LRP1B: variants seen among roughly 807,000 people sequenced by gnomAD.
The protein encoded by LRP1B is LDL receptor related protein 1B.
A neutral mutation model predicts 556.6 loss-of-function variants in LRP1B; 217 were observed. The observed-to-expected ratio is 0.39, with a 90% confidence interval of 0.35 to 0.44. The LOEUF (loss-of-function observed/expected upper bound fraction) is 0.44, where lower values mean the gene tolerates loss of function less well. Ranked by LOEUF, LRP1B falls within the 20% of genes least tolerant of loss-of-function variation. The probability of loss-of-function intolerance (pLI) is 1.00; values close to 1 mark genes in which losing one functional copy is unlikely to be tolerated. For missense variants in LRP1B, 5,053 were observed against 5,620.8 expected (o/e 0.90, Z 3.23); for synonymous variants, 2,047 against 1,865.8 (o/e 1.10, Z -2.50).
At chr2:141,943,990 G>A (rs185970945) in intron 1 of LRP1B, among the ~76,000 whole-genome samples, 127 of 152,220 alleles carry the variant, frequency 8.3e-4, no homozygotes, top group African/African-American at 2.9e-3. Context: ...TTCCCACAGG[G>A]GAACAGGAGG....
intron 41 of LRP1B, among the ~76,000 whole-genome samples, chr2:140,677,718 C>CA (rs66709552): frequency 0.53 from 80,629 of 151,266 alleles, 22,148 homozygotes; most frequent in Middle Eastern, 0.6. Flanking sequence ...ACTAAAAATA[C>CA]AAAAAAAACT....
chr2:140,259,590 G>T (rs894027824), intron 86 of LRP1B, among the ~76,000 whole-genome samples: 1 of 151,942 alleles, frequency 6.6e-6, no homozygotes, highest in Non-Finnish European at 1.5e-5. Context: ...ATCATAAGCT[G>T]CCGTACTCCA....
intron 14 of LRP1B, 45 bp from the exon 15 acceptor site, chr2:141,005,502 G>C (rs76031004): frequency 6.3e-7 from 1 of 1,597,270 alleles, no homozygotes; most frequent in African/African-American, 1.3e-5. Flanking sequence ...TCTGATTCAC[G>C]TTCTTTCTAG....
chr2:140,285,113 G>A (rs926328238), intron 84 of LRP1B, among the ~76,000 whole-genome samples: 4 of 149,110 alleles, frequency 2.7e-5, no homozygotes, highest in East Asian at 2.0e-4. Context: ...ATATATATAT[G>A]TGTGTGTATA....
chr2:141,483,747 TG>T (rs1276062342), intron 2 of LRP1B, among the ~76,000 whole-genome samples: 1 of 152,092 alleles, frequency 6.6e-6, no homozygotes, highest in Non-Finnish European at 1.5e-5. Flanking sequence ...GTTTTTTGGC[TG>T]CATAAATGTC....
intron 3 of LRP1B, among the ~76,000 whole-genome samples, chr2:141,431,718 T>C (rs111521493): frequency 2.2e-4 from 34 of 152,240 alleles, no homozygotes; most frequent in African/African-American, 7.2e-4. Context: ...TTCAAGAAAA[T>C]ATCTGATTTT....
At chr2:141,333,411 C>T (rs1357029) in intron 3 of LRP1B, among the ~76,000 whole-genome samples, 85,075 of 151,928 alleles carry the variant, frequency 0.56, 24,762 homozygotes, top group African/African-American at 0.67. Context: ...AGAACATGGA[C>T]GCTACTATTG....
intron 18 of LRP1B, among the ~76,000 whole-genome samples, chr2:140,967,279 C>T (rs537619104): frequency 1.4e-4 from 21 of 151,228 alleles, no homozygotes; most frequent in African/African-American, 5.1e-4. Context: ...AGTTGGTTTC[C>T]TAGGTATTTT....
intron 35 of LRP1B, among the ~76,000 whole-genome samples, chr2:140,743,433 A>G (rs901162986): frequency 2.6e-5 from 4 of 152,202 alleles, no homozygotes; most frequent in African/African-American, 7.2e-5. Flanking sequence ...AATTGCATGC[A>G]TTCAAAATCC....
chr2:141,634,915 T>C (rs1211941062), intron 2 of LRP1B, among the ~76,000 whole-genome samples: 1 of 151,852 alleles, frequency 6.6e-6, no homozygotes, highest in Non-Finnish European at 1.5e-5. Flanking sequence ...ATTATTAGAG[T>C]GGTGGTTATT....
At chr2:142,128,285 C>T (rs1314208679) in intron 1 of LRP1B, among the ~76,000 whole-genome samples, 1 of 152,132 alleles carries the variant, frequency 6.6e-6, no homozygotes, top group Admixed American at 6.5e-5. Context: ...ACCTATTACA[C>T]AATAAGTACA....
At chr2:142,107,191 T>C (rs1706776238) in intron 1 of LRP1B, among the ~76,000 whole-genome samples, 1 of 152,178 alleles carries the variant, frequency 6.6e-6, no homozygotes, top group Non-Finnish European at 1.5e-5. Context: ...ATTATACTGC[T>C]CAAAAAGGTT....
At chr2:141,604,138 C>T (rs1295142573) in intron 2 of LRP1B, among the ~76,000 whole-genome samples, 1 of 152,084 alleles carries the variant, frequency 6.6e-6, no homozygotes, top group East Asian at 1.9e-4. Context: ...ATAGATGGTC[C>T]ATGGAAATGT....
intron 1 of LRP1B, among the ~76,000 whole-genome samples, chr2:142,096,180 A>G (rs1706359340): frequency 6.6e-6 from 1 of 151,730 alleles, no homozygotes. Flanking sequence ...TATAAATGAT[A>G]TTAAGGGAGA....
At chr2:140,305,354 C>A (rs621234) in intron 83 of LRP1B, among the ~76,000 whole-genome samples, 4,856 of 152,210 alleles carry the variant, frequency 0.032, 266 homozygotes, top group African/African-American at 0.11. Flanking sequence ...TGTATTTCTC[C>A]TTGAAGAGGT....
chr2:140,888,062 A>T (rs1693692794), intron 23 of LRP1B, among the ~76,000 whole-genome samples: 2 of 152,144 alleles, frequency 1.3e-5, no homozygotes, highest in Non-Finnish European at 2.9e-5. Context: ...AAAATGTGGT[A>T]ATGACTGTAA....
At chr2:141,375,793 C>A (rs1223713471) in intron 3 of LRP1B, among the ~76,000 whole-genome samples, 1 of 152,154 alleles carries the variant, frequency 6.6e-6, no homozygotes, top group Non-Finnish European at 1.5e-5. Flanking sequence ...CTACTCATAT[C>A]TCAGTCTCAC....
Position 141,519,360 on chromosome 2 carries a change from G to GATATATATATAT in LRP1B, c.206-38839_206-38828dup, listed in dbSNP as rs60473210. ...CACCATGTGTGGGGCTTAAGTCAAT[G>GATATATATATAT]ATATATATATATATATATATATATA... is the stretch of plus-strand genomic sequence containing the variant. On this transcript the variant is annotated intron_variant, in intron 2 of 90. Transcript: ENST00000389484. Among the ~76,000 whole-genome samples, 665 of 67,778 alleles carry GATATATATATAT rather than the reference G, an allele frequency of 9.8e-3. 7 individuals are homozygous for GATATATATATAT. Among genetic ancestry groups the GATATATATATAT allele is most frequent in the Non-Finnish European group, 0.011 (416 of 36,660 alleles). 44.5% of individuals were successfully genotyped at this position (67,778 alleles called of 152,430 possible).
chr2:140,941,580 G>A (rs1695404182), intron 20 of LRP1B, among the ~76,000 whole-genome samples: 1 of 152,096 alleles, frequency 6.6e-6, no homozygotes, highest in South Asian at 2.1e-4. Context: ...ACCATCTACT[G>A]GATTGAGCCT....
Sources: gnomAD v4.1 joint callset for allele counts (sites outside exome capture counted in the v4.1 genomes callset) on GRCh38, gnomAD v4.1.1 for gene constraint, MANE v1.5 for transcripts, NCBI Gene and HGNC (gene_info 2026-07-23, HGNC 2026-07-21) for gene names.